MYO3A: variants seen among roughly 807,000 people sequenced by gnomAD.
The protein encoded by MYO3A is myosin-IIIa.
In MYO3A, 180 loss-of-function variants were observed where a neutral mutation model predicts 192.7. The ratio of observed to expected loss-of-function variants is 0.93; its 90% CI spans 0.83 to 1.06. The LOEUF is 1.06. MYO3A is among the 50% of genes least tolerant of loss of function. The pLI is 0.00. For missense variants in MYO3A, 1,896 were observed against 1,905.0 expected, an observed-to-expected ratio of 1.00 and a Z score of 0.09; for synonymous variants, 628 against 645.3, an observed-to-expected ratio of 0.97 and a Z score of 0.41.
At chr10:25,935,255 T>C (rs1427370740) in intron 1 of MYO3A, among the ~76,000 whole-genome samples, 1 of 152,212 alleles carries the variant, frequency 6.6e-6, no homozygotes, top group Non-Finnish European at 1.5e-5. Flanking sequence ...CTTTCAAGTC[T>C]GCTCACCAAC....
Position 25,997,191 on chromosome 10 carries a change from C to T in MYO3A, c.441C>T (p.Ile147=), listed in dbSNP as rs769644196. 2 of 1,613,372 alleles carry T rather than the reference C, an allele frequency of 1.2e-6. No homozygotes were observed. Among genetic ancestry groups the T allele is most frequent in the East Asian group, 4.5e-5 (2 of 44,754 alleles). Residue 147 remains isoleucine, a synonymous_variant, in exon 6 of 35, where the codon ATC becomes ATT. Transcript: ENST00000642920. ...AACATTTGCATAACAACAAAACTAT[C>T]CACAGAGATGTGAAAGGCAATAACA... ...GLQHLHNNKT[I]HRDVKGNNIL...
intron 4 of MYO3A, among the ~76,000 whole-genome samples, chr10:25,992,486 T>C (rs538124409): frequency 5.0e-4 from 76 of 152,376 alleles, no homozygotes; most frequent in African/African-American, 1.8e-3. Flanking sequence ...TCTTTCCTAA[T>C]TGAATACCCT....
At chr10:26,169,998 C>G (rs1256230399) in intron 28 of MYO3A, among the ~76,000 whole-genome samples, 1 of 152,188 alleles carries the variant, frequency 6.6e-6, no homozygotes, top group Admixed American at 6.5e-5. Flanking sequence ...TATATTTGCT[C>G]TGTATTAACT....
At chr10:26,060,937 A>T (rs574605453) in intron 10 of MYO3A, among the ~76,000 whole-genome samples, 12 of 150,570 alleles carry the variant, frequency 8.0e-5, no homozygotes, top group Admixed American at 2.0e-4. Flanking sequence ...ATTTTATTTT[A>T]TTTTTTTTTG....
intron 10 of MYO3A, among the ~76,000 whole-genome samples, chr10:26,062,530 A>AAAAAAAAAAAAAAAAAGAAAAAAAACG (rs1554816581): frequency 4.4e-4 from 56 of 125,944 alleles, no homozygotes; most frequent in Non-Finnish European, 7.9e-4. Context: ...AAAAAAAAAA[A>AAAAAAAAAAAAAAAAAGAAAAAAAACG]AAATTATGGA....
intron 18 of MYO3A, among the ~76,000 whole-genome samples, chr10:26,124,491 A>G (rs543084469): frequency 2.0e-4 from 31 of 152,338 alleles, no homozygotes; most frequent in South Asian, 6.2e-4. Context: ...GAAATGCAGA[A>G]TGTTAACTTA....
rs1387762789 is a variant in MYO3A, at chr10:26,194,343, CTT to C, written c.4545+1035_4545+1036del. Among the ~76,000 whole-genome samples, 6 of 152,276 alleles carry C rather than the reference CTT, an allele frequency of 3.9e-5. No homozygotes were observed. In the East Asian group the frequency reaches 1.2e-3, roughly 29 times the overall value. On this transcript the variant is annotated intron_variant, in intron 32 of 34. Transcript: ENST00000642920. ...GCCTTCTTCGTGGGACCCGTGACTG[CTT>C]TTCAGCCTCTTTTCTTGCCCTCTTC...
chr10:26,160,914 A>G (rs960660673), intron 26 of MYO3A, among the ~76,000 whole-genome samples: 1 of 152,246 alleles, frequency 6.6e-6, no homozygotes, highest in Non-Finnish European at 1.5e-5. Flanking sequence ...ATAGTTTTAC[A>G]ATGTAGAGCA....
intron 10 of MYO3A, among the ~76,000 whole-genome samples, chr10:26,036,777 C>G (rs1843063418): frequency 6.6e-6 from 1 of 152,212 alleles, no homozygotes; most frequent in Admixed American, 6.5e-5. Context: ...GTTGCTGAAC[C>G]TGCTATGCAT....
intron 10 of MYO3A, among the ~76,000 whole-genome samples, chr10:26,056,049 A>AT (rs1355873503): frequency 6.6e-6 from 1 of 152,196 alleles, no homozygotes; most frequent in African/African-American, 2.4e-5. Context: ...CACACCAGGA[A>AT]TTTTTTGTAA....
chr10:26,043,781 C>T (rs1476938922), intron 10 of MYO3A, among the ~76,000 whole-genome samples: 2 of 152,196 alleles, frequency 1.3e-5, no homozygotes, highest in Non-Finnish European at 2.9e-5. Context: ...GGAATGGGGA[C>T]CCCAAGAGCC....
intron 4 of MYO3A, among the ~76,000 whole-genome samples, chr10:25,958,998 A>T (rs1160790339): frequency 1.3e-5 from 2 of 151,990 alleles, no homozygotes; most frequent in Admixed American, 1.3e-4. Flanking sequence ...AATGCTAGTG[A>T]TTTTTGTACG....
intron 31 of MYO3A, among the ~76,000 whole-genome samples, chr10:26,180,290 C>T (rs1842559843): frequency 6.6e-6 from 1 of 152,128 alleles, no homozygotes; most frequent in Admixed American, 6.5e-5. Context: ...AAACAGTTTT[C>T]AGTAAAATCC....
At chr10:26,153,585 A>G (rs1840926028) in intron 23 of MYO3A, among the ~76,000 whole-genome samples, 1 of 152,212 alleles carries the variant, frequency 6.6e-6, no homozygotes, top group South Asian at 2.1e-4. Context: ...AATCATCTCA[A>G]GTCTTCTAGC....
intron 10 of MYO3A, among the ~76,000 whole-genome samples, chr10:26,060,284 CAT>C (rs1834377620): frequency 1.3e-5 from 1 of 75,302 alleles, no homozygotes. Context: ...TAAATACATA[CAT>C]AAATAAATAA....
At chr10:26,128,888 T>G (rs1328246772) in intron 20 of MYO3A, among the ~76,000 whole-genome samples, 3 of 152,208 alleles carry the variant, frequency 2.0e-5, no homozygotes, top group African/African-American at 7.2e-5. Context: ...TGAAATTCCT[T>G]TTGAAATTTC....
intron 19 of MYO3A, among the ~76,000 whole-genome samples, chr10:26,128,185 T>C (rs1332384773): frequency 6.6e-6 from 1 of 152,188 alleles, no homozygotes; most frequent in Non-Finnish European, 1.5e-5. Flanking sequence ...AAGGAAAATA[T>C]TGTTTCATTT....
chr10:26,148,231 C>T (rs937878218), intron 23 of MYO3A, among the ~76,000 whole-genome samples: 5 of 152,116 alleles, frequency 3.3e-5, no homozygotes, highest in Non-Finnish European at 5.9e-5. Context: ...CCCTCCAAAC[C>T]TCTCTGTTCT....
At chr10:26,197,174 A>G (rs913116902) in intron 32 of MYO3A, among the ~76,000 whole-genome samples, 12 of 152,172 alleles carry the variant, frequency 7.9e-5, no homozygotes, top group African/African-American at 2.2e-4. Flanking sequence ...TCTCAAATCC[A>G]TCTCCCTTAC....
Sources: allele counts gnomAD v4.1 joint callset (sites outside exome capture counted in the v4.1 genomes callset), GRCh38; gene constraint gnomAD v4.1.1; transcripts MANE v1.5; gene names NCBI Gene and HGNC (gene_info 2026-07-23, HGNC 2026-07-21).